FANCI: variants seen among roughly 807,000 people sequenced by gnomAD.
FANCI encodes the protein Fanconi anemia group I protein.
A neutral mutation model predicts 176.1 loss-of-function variants in FANCI; 156 were observed. The ratio of observed to expected loss-of-function variants is 0.89; its 90% CI spans 0.78 to 1.01. The LOEUF (loss-of-function observed/expected upper bound fraction) is 1.01, where lower values mean the gene tolerates loss of function less well. Among genes scored for constraint, FANCI ranks in the 50% least tolerant of loss-of-function variants. FANCI has a pLI of 0.00. For missense variants in FANCI, 1,678 were observed against 1,534.1 expected, an observed-to-expected ratio of 1.09 and a Z score of -1.57; for synonymous variants, 613 against 541.7, an observed-to-expected ratio of 1.13 and a Z score of -1.83.
intron 2 of FANCI, among the ~76,000 whole-genome samples, chr15:89,256,915 G>GT (rs745887038): frequency 5.6e-4 from 85 of 151,078 alleles, no homozygotes; most frequent in Middle Eastern, 3.4e-3. Flanking sequence ...CTTTTTTGTT[G>GT]TTTTTTTTTG....
chr15:89,286,100 C>G (rs1455022200), intron 18 of FANCI, among the ~76,000 whole-genome samples: 1 of 152,112 alleles, frequency 6.6e-6, no homozygotes, highest in African/African-American at 2.4e-5. Context: ...AAGCAGTTCT[C>G]CTGCTTCTCA....
chr15:89,245,025 G>A (rs999569115), intron 1 of FANCI, among the ~76,000 whole-genome samples: 1 of 152,142 alleles, frequency 6.6e-6, no homozygotes, highest in African/African-American at 2.4e-5. Context: ...GGGACTTATA[G>A]TCTAGTGGGA....
intron 35 of FANCI, among the ~76,000 whole-genome samples, chr15:89,313,775 A>G (rs1306329064): frequency 6.6e-6 from 1 of 152,092 alleles, no homozygotes; most frequent in Non-Finnish European, 1.5e-5. Context: ...GACTGGCTAA[A>G]TAGGTTATAA....
intron 24 of FANCI, among the ~76,000 whole-genome samples, chr15:89,295,475 G>A (rs2054222890): frequency 6.6e-6 from 1 of 151,898 alleles, no homozygotes; most frequent in South Asian, 2.1e-4. Context: ...AGACCAGTCT[G>A]ACCAACATGG....
chr15:89,261,530 AT>A, intron 4 of FANCI, 54 bp from the exon 5 acceptor site: 2 of 1,605,552 alleles, frequency 1.2e-6, no homozygotes, highest in Admixed American at 1.7e-5. Flanking sequence ...TCTTAGAAAG[AT>A]TTATCAAACA....
chr15:89,304,887 G>T (rs376248919), intron 28 of FANCI, among the ~76,000 whole-genome samples: 1 of 151,474 alleles, frequency 6.6e-6, no homozygotes, highest in Non-Finnish European at 1.5e-5. Flanking sequence ...AGCAATTCTC[G>T]TGCCTCAGCC....
chr15:89,308,280 C>G (rs2054806367), intron 34 of FANCI: 5 of 587,646 alleles, frequency 8.5e-6, no homozygotes, highest in Non-Finnish European at 1.1e-5. Flanking sequence ...CTACCAGATG[C>G]CAGTAGCAGC....
At chr15:89,274,112 G>C in intron 11 of FANCI, 56 bp from the exon 12 acceptor site, 1 of 1,292,104 alleles carries the variant, frequency 7.7e-7, no homozygotes, top group Non-Finnish European at 1.1e-6. Context: ...ATTCTGTTAG[G>C]TGCTTGATCT....
chr15:89,247,847 A>G (rs2052057909), intron 2 of FANCI, 116 bp downstream of exon 2: 1 of 765,130 alleles, frequency 1.3e-6, no homozygotes, highest in Non-Finnish European at 2.2e-6. Flanking sequence ...CATTCACTGT[A>G]GGAGACAAGG....
At chr15:89,258,626 A>G in intron 2 of FANCI, 78 bp from the exon 3 acceptor site, 1 of 1,046,584 alleles carries the variant, frequency 9.6e-7, no homozygotes, top group Non-Finnish European at 1.5e-6. Flanking sequence ...ACAGAAGAGT[A>G]CTTTTTCATA....
intron 33 of FANCI, 24 bp downstream of exon 33, chr15:89,307,553 G>A: frequency 6.2e-6 from 10 of 1,614,172 alleles, no homozygotes; most frequent in Middle Eastern, 1.6e-4. Context: ...GCCTTTCCTA[G>A]GAATGGGGGA....
chr15:89,297,524 C>T (rs553552063), intron 24 of FANCI, among the ~76,000 whole-genome samples: 154 of 151,394 alleles, frequency 1.0e-3, no homozygotes, highest in African/African-American at 3.6e-3. Flanking sequence ...CTCGGGAGGC[C>T]GAGGCTGGCG....
chr15:89,301,282 C>T (rs141782480), intron 26 of FANCI, 44 bp from the exon 27 acceptor site: 13 of 1,263,876 alleles, frequency 1.0e-5, no homozygotes, highest in African/African-American at 4.4e-5. Context: ...CTGATAGGAA[C>T]GTGTCTGCTA....
chr15:89,245,016 G>T (rs568896304), intron 1 of FANCI, among the ~76,000 whole-genome samples: 1 of 152,084 alleles, frequency 6.6e-6, no homozygotes, highest in South Asian at 2.1e-4. Flanking sequence ...TGTCCTTAGG[G>T]GACTTATAGT....
chr15:89,290,484 C>T, intron 19 of FANCI: 1 of 574,504 alleles, frequency 1.7e-6, no homozygotes, highest in Non-Finnish European at 3.1e-6. Flanking sequence ...CATCATCTAG[C>T]AGTTATCCTT....
In FANCI at chr15:89,299,721, C is replaced by T. The variant is rs1055060620; in HGVS notation, c.2637-79C>T. Reference sequence around the variant, plus strand: ...TTAAACTTCTAGAACTGTTCACCTACAGGGTAAGAATTTTACTGTTTGTTA... The same window carrying T: ...TTAAACTTCTAGAACTGTTCACCTATAGGGTAAGAATTTTACTGTTTGTTA... On this transcript the variant is annotated intron_variant, in intron 24 of 37. Transcript: ENST00000310775. 8 of 1,433,688 alleles carry T rather than the reference C, an allele frequency of 5.6e-6. No individual in the cohort carries two copies. In the African/African-American group the frequency reaches 1.1e-4, roughly 20 times the overall value. 88.8% of individuals were successfully genotyped at this position (1,433,688 alleles called of 1,614,324 possible).
Position 89,292,751 on chromosome 15 carries a change from C to A in FANCI, c.2056C>A (p.Gln686Lys), listed in dbSNP as rs28378332. 8.3e-4 allele frequency: 1,332 copies of A among 1,613,922 alleles called. 9 individuals carry two copies. In the African/African-American group the frequency reaches 0.015, roughly 19 times the overall value. ...GTATAAGAATACAGTCATACCCTTACAGCAGGGAGAGGAGGAAGAGGAGGA... is the reference window on the plus strand; with the variant it reads ...GTATAAGAATACAGTCATACCCTTAAAGCAGGGAGAGGAGGAAGAGGAGGA... ...AWYKNTVIPL[Q>K]QGEEEEEEEE... Residue 686 changes from glutamine to lysine, a missense_variant, in exon 21 of 38, where the codon CAG becomes AAG. Around this residue, in one of 3 missense-constraint regions of FANCI, gnomAD observed 1,204 missense variants for 1,077.4 expected, o/e 1.12. Transcript: ENST00000310775.
Position 89,306,123 on chromosome 15 carries a change from G to C in FANCI, c.3466G>C (p.Gly1156Arg), listed in dbSNP as rs200026076. The C allele has an allele frequency of 1.2e-4, 186 of 1,614,032 alleles. No individual in the cohort carries two copies. Among genetic ancestry groups the C allele is most frequent in the Non-Finnish European group, 1.5e-4 (172 of 1,180,038 alleles). ...GCTGGTGCAGACAGCTCTGCCATCA[G>C]GCAGCTGTGTGGACACCTTGTTAAA... is the stretch of plus-strand genomic sequence containing the variant. ...HELVQTALPS[G>R]SCVDTLLKDL... The change falls in exon 32 of 38, where the codon GGC (glycine) becomes CGC (arginine). Residue 1156 changes from glycine to arginine, a missense_variant. Coordinates refer to ENST00000310775, the MANE Select transcript of FANCI (RefSeq NM_001113378.2).
chr15:89,262,773 A>G (rs2052769101), intron 6 of FANCI, among the ~76,000 whole-genome samples: 1 of 152,258 alleles, frequency 6.6e-6, no homozygotes, highest in South Asian at 2.1e-4. Flanking sequence ...ATGTCAGCAT[A>G]TACAACTCTA....
Sources: gnomAD v4.1 joint callset for allele counts (sites outside exome capture counted in the v4.1 genomes callset) on GRCh38, gnomAD v4.1.1 for gene constraint, gnomAD v4.1.1 regional missense constraint, MANE v1.5 for transcripts, NCBI Gene and HGNC (gene_info 2026-07-23, HGNC 2026-07-21) for gene names.